Variants in ADGRL3 observed in about 807,000 individuals in gnomAD.
The protein encoded by ADGRL3 is adhesion G protein-coupled receptor L3.
In ADGRL3, 62 loss-of-function variants were observed where a neutral mutation model predicts 153.5. That is an observed-to-expected ratio of 0.40 (90% CI 0.33 to 0.50). The LOEUF is 0.50. Ranked by LOEUF, ADGRL3 falls within the 20% of genes least tolerant of loss-of-function variation. The probability of loss-of-function intolerance (pLI) is 0.47; values close to 1 mark genes in which losing one functional copy is unlikely to be tolerated. For missense variants in ADGRL3, 1,641 were observed against 1,859.4 expected, an observed-to-expected ratio of 0.88 and a Z score of 2.16; for synonymous variants, 710 against 672.5, an observed-to-expected ratio of 1.06 and a Z score of -0.86.
rs891512302 is a variant in ADGRL3 at position 61,701,744 on chromosome 4, T to A, written c.583+24809T>A. Among the ~76,000 whole-genome samples the A allele has an allele frequency of 5.3e-5, 8 of 152,132 alleles. No individual in the cohort carries two copies. The South Asian group carries it at 1.5e-3, about 28-fold the overall frequency. On this transcript the variant is annotated intron_variant, in intron 6 of 26. Transcript: ENST00000683033. ...GAGCCGCTGCGCAGAACCGAAATAA[T>A]TGAAGGAAGGTGATAACTTCATGAT...
chr4:61,419,404 G>A (rs2097177546), intron 2 of ADGRL3, among the ~76,000 whole-genome samples: 1 of 150,784 alleles, frequency 6.6e-6, no homozygotes, highest in African/African-American at 2.5e-5. Flanking sequence ...AGGGTCGCCA[G>A]TGGCCAGAGC....
intron 1 of ADGRL3, among the ~76,000 whole-genome samples, chr4:61,334,924 A>G (rs1302462622): frequency 6.6e-6 from 1 of 152,134 alleles, no homozygotes; most frequent in African/African-American, 2.4e-5. Flanking sequence ...ATGTTGAATA[A>G]AATTTTACCA....
chr4:61,643,867 C>T, intron 5 of ADGRL3, among the ~76,000 whole-genome samples: 1 of 148,230 alleles, frequency 6.7e-6, no homozygotes, highest in East Asian at 2.0e-4. Flanking sequence ...AGGCATGGTA[C>T]CAGTTCCTCC....
chr4:61,339,817 G>T (rs1479245339), intron 1 of ADGRL3, among the ~76,000 whole-genome samples: 2 of 152,086 alleles, frequency 1.3e-5, no homozygotes, highest in Non-Finnish European at 2.9e-5. Context: ...GAGCCCAAGG[G>T]TACAATCTTG....
intron 4 of ADGRL3, among the ~76,000 whole-genome samples, chr4:61,585,635 G>A (rs2098943317): frequency 6.6e-6 from 1 of 151,908 alleles, no homozygotes; most frequent in Non-Finnish European, 1.5e-5. Flanking sequence ...CTCTTAGTGT[G>A]GAAATCAACT....
At chr4:61,840,289 A>AGT (rs1315082394) in intron 9 of ADGRL3, among the ~76,000 whole-genome samples, 1 of 152,044 alleles carries the variant, frequency 6.6e-6, no homozygotes, top group Non-Finnish European at 1.5e-5. Flanking sequence ...CAGGTTGGCC[A>AGT]GTGTGGTCTC....
At chr4:61,840,188 TC>T (rs1322865503) in intron 9 of ADGRL3, among the ~76,000 whole-genome samples, 1 of 152,152 alleles carries the variant, frequency 6.6e-6, no homozygotes, top group Non-Finnish European at 1.5e-5. Flanking sequence ...CAAGCCATTC[TC>T]CTGCCTCTGC....
chr4:61,860,709 A>G (rs775736318), intron 9 of ADGRL3, among the ~76,000 whole-genome samples: 1 of 152,156 alleles, frequency 6.6e-6, no homozygotes, highest in Admixed American at 6.5e-5. Flanking sequence ...GAACCCTTTC[A>G]TATTATTAAT....
At chr4:61,227,297 C>T (rs534812144) in intron 1 of ADGRL3, among the ~76,000 whole-genome samples, 1 of 152,100 alleles carries the variant, frequency 6.6e-6, no homozygotes, top group Non-Finnish European at 1.5e-5. Context: ...TCTCAACCTC[C>T]TGGGCTGAAG....
chr4:61,231,396 C>T (rs1750580652), intron 1 of ADGRL3, among the ~76,000 whole-genome samples: 1 of 152,100 alleles, frequency 6.6e-6, no homozygotes, highest in South Asian at 2.1e-4. Context: ...CAACAGCTGA[C>T]TAGTGATTCC....
chr4:61,498,474 C>G (rs1264962107), intron 3 of ADGRL3, among the ~76,000 whole-genome samples: 1 of 151,868 alleles, frequency 6.6e-6, no homozygotes, highest in Non-Finnish European at 1.5e-5. Context: ...GGCGTAAACC[C>G]GGGAGGCAAA....
At chr4:61,227,652 C>T (rs1472572591) in intron 1 of ADGRL3, among the ~76,000 whole-genome samples, 1 of 152,126 alleles carries the variant, frequency 6.6e-6, no homozygotes, top group Non-Finnish European at 1.5e-5. Context: ...AATGTTTTTC[C>T]TCCCACATTC....
chr4:61,876,564 A>G (rs1260980937), intron 9 of ADGRL3, among the ~76,000 whole-genome samples: 1 of 152,140 alleles, frequency 6.6e-6, no homozygotes, highest in Non-Finnish European at 1.5e-5. Flanking sequence ...TTTTCTGCTT[A>G]CAATCATTAC....
intron 8 of ADGRL3, among the ~76,000 whole-genome samples, chr4:61,776,459 A>C (rs1389771764): frequency 1.3e-5 from 2 of 152,218 alleles, no homozygotes; most frequent in East Asian, 1.9e-4. Flanking sequence ...ATCTGAAATA[A>C]TCACTTAGTT....
chr4:61,534,731 G>T (rs534974551), intron 4 of ADGRL3, among the ~76,000 whole-genome samples: 1 of 152,094 alleles, frequency 6.6e-6, no homozygotes, highest in Non-Finnish European at 1.5e-5. Flanking sequence ...TTCTTAATTT[G>T]GTTCTCAGCT....
intron 13 of ADGRL3, among the ~76,000 whole-genome samples, chr4:61,932,206 G>A (rs1231555316): frequency 6.6e-6 from 1 of 151,996 alleles, no homozygotes; most frequent in Non-Finnish European, 1.5e-5. Flanking sequence ...TCTGGCTAAG[G>A]ACTTCAAATA....
chr4:61,303,499 C>A (rs2094654433), intron 1 of ADGRL3, among the ~76,000 whole-genome samples: 1 of 151,572 alleles, frequency 6.6e-6, no homozygotes. Context: ...TATTAAATGG[C>A]CTTTAAAAAT....
intron 5 of ADGRL3, among the ~76,000 whole-genome samples, chr4:61,636,830 A>G (rs1303113510): frequency 4.6e-5 from 7 of 151,420 alleles, no homozygotes; most frequent in Non-Finnish European, 1.5e-5. Context: ...AAATATACAT[A>G]TATTTTTAGT....
At chr4:61,661,073 T>C (rs1480450706) in intron 5 of ADGRL3, among the ~76,000 whole-genome samples, 1 of 152,106 alleles carries the variant, frequency 6.6e-6, no homozygotes, top group African/African-American at 2.4e-5. Context: ...AATCACTGAT[T>C]AAAATTACAA....
Sources: allele counts gnomAD v4.1 joint callset (sites outside exome capture counted in the v4.1 genomes callset), GRCh38; gene constraint gnomAD v4.1.1; transcripts MANE v1.5; gene names NCBI Gene and HGNC (gene_info 2026-07-23, HGNC 2026-07-21).